The following MTCL3 variants were observed in gnomAD, a reference collection of about 807,000 sequenced individuals.
The protein encoded by MTCL3 is microtubule cross-linking factor 3.
chr6:127,516,336 G>A, the MTCL3 span: 1 of 1,593,908 alleles, frequency 6.3e-7, no homozygotes, highest in African/African-American at 1.3e-5. Context: ...CTCGGATGCT[G>A]GCGGGCGGCC....
At chr6:127,486,175 G>A in the MTCL3 span, among the ~76,000 whole-genome samples, 3 of 152,262 alleles carry the variant, frequency 2.0e-5, no homozygotes, top group South Asian at 4.1e-4. Context: ...TCTTTCCTAA[G>A]AGGCATTTTC....
the MTCL3 span, chr6:127,515,721 G>T: frequency 5.7e-6 from 9 of 1,590,490 alleles, no homozygotes; most frequent in Non-Finnish European, 6.8e-6. The surrounding 1 kb of genome is among the most constrained non-coding windows in gnomAD (Gnocchi z 4.3). Context: ...TCTCGCAAAC[G>T]GCAGGGGGGC....
the MTCL3 span, among the ~76,000 whole-genome samples, chr6:127,511,734 T>A: frequency 6.6e-6 from 1 of 152,218 alleles, no homozygotes; most frequent in Non-Finnish European, 1.5e-5. Context: ...TTTCTTATGC[T>A]AAAAAATGTT....
chr6:127,515,755 C>A, the MTCL3 span: 1 of 1,600,744 alleles, frequency 6.2e-7, no homozygotes, highest in Non-Finnish European at 8.5e-7. The surrounding 1 kb of genome is among the most constrained non-coding windows in gnomAD (Gnocchi z 4.3). Context: ...GCTGCGGCTA[C>A]TGCTGCCGCC....
At chr6:127,477,813 G>A in the MTCL3 span, among the ~76,000 whole-genome samples, 1 of 152,182 alleles carries the variant, frequency 6.6e-6, no homozygotes, top group African/African-American at 2.4e-5. Context: ...GATAGGTGAT[G>A]CTATCTCCCC....
At chr6:127,499,308 A>C in the MTCL3 span, among the ~76,000 whole-genome samples, 1 of 152,274 alleles carries the variant, frequency 6.6e-6, no homozygotes, top group South Asian at 2.1e-4. Context: ...AAACTCAAAA[A>C]GGTCTTTAAA....
chr6:127,500,073 C>T, the MTCL3 span, among the ~76,000 whole-genome samples: 1 of 152,100 alleles, frequency 6.6e-6, no homozygotes, highest in Non-Finnish European at 1.5e-5. Flanking sequence ...CTGGTTTGTT[C>T]CCATAATCCT....
chr6:127,475,320 G>A, the MTCL3 span: 159 of 1,610,860 alleles, frequency 9.9e-5, no homozygotes, highest in Admixed American at 4.7e-4. This position sits in a 1 kb window ranked among gnomAD's most constrained non-coding sequence, Gnocchi z 7.3. Flanking sequence ...GCTCCTCGGC[G>A]CCGCGGTCGT....
chr6:127,473,041 T>A, the MTCL3 span: 1 of 1,022,542 alleles, frequency 9.8e-7, no homozygotes, highest in Admixed American at 5.4e-5. Flanking sequence ...GAAGTAAAAA[T>A]TAAAACAATT....
At chr6:127,501,530 CTG>C in the MTCL3 span, among the ~76,000 whole-genome samples, 1 of 152,272 alleles carries the variant, frequency 6.6e-6, no homozygotes, top group East Asian at 1.9e-4. Context: ...TGGTAAGAAA[CTG>C]TTACTTTGTG....
At chr6:127,499,663 C>T in the MTCL3 span, among the ~76,000 whole-genome samples, 4 of 152,126 alleles carry the variant, frequency 2.6e-5, no homozygotes, top group African/African-American at 9.7e-5. Flanking sequence ...ATTTCTGAAC[C>T]GGGTATTCTT....
chr6:127,496,339 A>G, the MTCL3 span, among the ~76,000 whole-genome samples: 1 of 152,230 alleles, frequency 6.6e-6, no homozygotes, highest in African/African-American at 2.4e-5. Context: ...AAACGTAAAC[A>G]CAGTAATATC....
At chr6:127,512,880 C>A in the MTCL3 span, 9 of 1,604,858 alleles carry the variant, frequency 5.6e-6, no homozygotes, top group South Asian at 8.9e-5. Flanking sequence ...ATGAAATAAT[C>A]AAATACTAAC....
chr6:127,474,402 C>T, the MTCL3 span, among the ~76,000 whole-genome samples: 17,628 of 152,018 alleles, frequency 0.12, 1,411 homozygotes, highest in Admixed American at 0.19. Context: ...CTTCAGCCTC[C>T]GGAGTGGCTG....
At chr6:127,515,722 G>A in the MTCL3 span, 2 of 1,591,236 alleles carry the variant, frequency 1.3e-6, no homozygotes, top group Non-Finnish European at 1.7e-6. This position sits in a 1 kb window ranked among gnomAD's most constrained non-coding sequence, Gnocchi z 4.3. Flanking sequence ...CTCGCAAACG[G>A]CAGGGGGGCC....
chr6:127,480,601 TA>T, the MTCL3 span, among the ~76,000 whole-genome samples: 19 of 152,200 alleles, frequency 1.2e-4, no homozygotes, highest in African/African-American at 4.3e-4. Context: ...TGGGAGTATT[TA>T]AAAGCATGTA....
chr6:127,507,700 G>A, the MTCL3 span, among the ~76,000 whole-genome samples: 1 of 151,794 alleles, frequency 6.6e-6, no homozygotes, highest in African/African-American at 2.4e-5. Flanking sequence ...AAAATTAGCC[G>A]GGCATAGTGG....
At chr6:127,515,774 T>C in the MTCL3 span, 1 of 1,605,596 alleles carries the variant, frequency 6.2e-7, no homozygotes, top group East Asian at 2.2e-5. The surrounding 1 kb of genome is among the most constrained non-coding windows in gnomAD (Gnocchi z 4.3). Context: ...CCGCCGTTCT[T>C]AGCGTGCATC....
the MTCL3 span, among the ~76,000 whole-genome samples, chr6:127,506,504 G>A: frequency 1.2e-4 from 18 of 152,206 alleles, no homozygotes; most frequent in East Asian, 9.6e-4. Flanking sequence ...CCTTCCCAGC[G>A]TTTTTACCTA....
Sources: gnomAD v4.1 joint callset for allele counts (sites outside exome capture counted in the v4.1 genomes callset) on GRCh38, gnomAD v4.1.1 for gene constraint, Gnocchi (gnomAD v3.1) non-coding constraint, MANE v1.5 for transcripts, NCBI Gene and HGNC (gene_info 2026-07-23, HGNC 2026-07-21) for gene names.